Variants in SLC30A4 observed in about 807,000 individuals in gnomAD.
The protein encoded by SLC30A4 is probable proton-coupled zinc antiporter SLC30A4.
Under a neutral mutation model 41.7 loss-of-function variants are expected in SLC30A4, and 20 were observed. The observed-to-expected ratio is 0.48, with a 90% CI of 0.34 to 0.70. The LOEUF is 0.70. SLC30A4 is among the 30% of genes least tolerant of loss of function. SLC30A4 has a pLI of 0.01. For synonymous variants in SLC30A4, 181 were observed against 195.9 expected, an observed-to-expected ratio of 0.92 and a Z score of 0.64; for missense variants, 441 against 529.3, an observed-to-expected ratio of 0.83 and a Z score of 1.64.
At chr15:45,512,664 G>T (rs1478785022) in intron 2 of SLC30A4, among the ~76,000 whole-genome samples, 2 of 152,202 alleles carry the variant, frequency 1.3e-5, no homozygotes, top group Non-Finnish European at 2.9e-5. Flanking sequence ...ATCTCAGAAA[G>T]TCTGAATGAG....
At position 45,522,044 on chromosome 15, in the gene SLC30A4, ATC is replaced by A. The variant is rs1566885207; in HGVS notation, c.309_310del (p.Glu103AspfsTer34). 5.6e-6 allele frequency: 9 copies of A among 1,613,554 alleles called. No individual in the cohort carries two copies. Among genetic ancestry groups the A allele is most frequent in the South Asian group, 5.5e-5 (5 of 91,068 alleles). On this transcript the variant is annotated frameshift_variant, in exon 2 of 8. Coordinates refer to ENST00000261867, the MANE Select transcript of SLC30A4 (RefSeq NM_013309.6). LOFTEE classifies it high-confidence loss of function. ...GGCTTTCACCTTTCTCTGCTTCAGT[ATC>A]TCTCTCTGTTTGCTGCAGTTGTCAC...
At chr15:45,510,346 A>G in intron 3 of SLC30A4, among the ~76,000 whole-genome samples, 1 of 152,182 alleles carries the variant, frequency 6.6e-6, no homozygotes, top group East Asian at 1.9e-4. Flanking sequence ...AAAAATAAAA[A>G]AGATGATGAG....
At position 45,480,758 on chromosome 15, in the gene SLC30A4, G is replaced by C. The variant is rs1052635749; in HGVS notation, c.*4405C>G. 2 of 149,310 alleles carry C rather than the reference G, an allele frequency of 1.3e-5. No individual in the cohort carries two copies. The highest frequency in any genetic ancestry group is 5.1e-5 in the African/African-American group (2 of 39,122). The allele number at this position is 149,310 out of a possible 1,614,324, so 9.2% of individuals were successfully genotyped here. ...TATGCATAAAAGGAAAATAGATTTA[G>C]CTAACTGCTTGTTTCAAAATCAAAT... On this transcript the variant is annotated 3_prime_UTR_variant, in exon 8 of 8. Transcript: ENST00000261867.
In SLC30A4 at chr15:45,479,681, A is replaced by G. The variant is rs1891578136; in HGVS notation, c.*5482T>C. On this transcript the variant is annotated 3_prime_UTR_variant, in exon 8 of 8. Transcript: ENST00000261867. ...TAAAATGACATTATAATTATAAAAG[A>G]TTTTCTTTTAAGAACAATGTTTTTA... The G allele has an allele frequency of 6.6e-6, 1 of 152,062 alleles. No homozygotes were observed. The highest frequency in any genetic ancestry group is 6.6e-5 in the Admixed American group (1 of 15,258). The allele number at this position is 152,062 out of a possible 1,614,324, so 9.4% of individuals were successfully genotyped here. A position where few individuals can be genotyped will look rare whatever the true frequency, so the allele number is the denominator to read the frequency against.
At chr15:45,515,677 A>T (rs1043206795) in intron 2 of SLC30A4, 7 of 151,604 alleles carry the variant, frequency 4.6e-5, no homozygotes, top group African/African-American at 1.7e-4. Context: ...AAATAAATAA[A>T]TAATAAATAA....
chr15:45,485,561 C>T (rs1386961783), intron 7 of SLC30A4, among the ~76,000 whole-genome samples: 1 of 152,126 alleles, frequency 6.6e-6, no homozygotes, highest in Admixed American at 6.6e-5. Context: ...ACAAACCTGT[C>T]ATTAAAATAT....
At position 45,486,718 on chromosome 15, in the gene SLC30A4, T is replaced by C. The variant is rs376637512; in HGVS notation, c.1028A>G (p.Tyr343Cys). 4 of 1,574,410 alleles carry C rather than the reference T, an allele frequency of 2.5e-6. No individual in the cohort carries two copies. Among genetic ancestry groups the C allele is most frequent in the Admixed American group, 3.6e-5 (2 of 55,628 alleles). Residue 343 changes from tyrosine to cysteine, a missense_variant, in exon 7 of 8, where the codon TAT (tyrosine) becomes TGT (cysteine). Transcript: ENST00000261867. ...TATTTTCATCAAGGCTTCTTTGATA[T>C]AGTCTACATTCAAATGGCTTGGCAC... ...EGVPSHLNVDYIKEALMKIED... is the reference protein window; with the variant it reads ...EGVPSHLNVDCIKEALMKIED...
At chr15:45,517,407 G>A (rs932666008) in intron 2 of SLC30A4, among the ~76,000 whole-genome samples, 2 of 132,024 alleles carry the variant, frequency 1.5e-5, no homozygotes, top group African/African-American at 5.8e-5. Flanking sequence ...AGGCTGGAGT[G>A]CAACAGCGTG....
In SLC30A4 at chr15:45,513,169, G is replaced by A. The variant is rs1459599535; in HGVS notation, c.392-1885C>T. Among the ~76,000 whole-genome samples the A allele has an allele frequency of 7.3e-5, 11 of 150,204 alleles. 1 individual carries two copies. The Admixed American group carries it at 7.3e-4, about 10-fold the overall frequency. ...TAAATAAGAAAGAAAAAGAAAAATG[G>A]TTAGTGAAACTAAGGAATTTAATTA... On this transcript the variant is annotated intron_variant, in intron 2 of 7. Coordinates refer to ENST00000261867, the MANE Select transcript of SLC30A4 (RefSeq NM_013309.6).
intron 3 of SLC30A4, among the ~76,000 whole-genome samples, chr15:45,500,012 C>T (rs947413822): frequency 9.2e-5 from 14 of 152,180 alleles, no homozygotes; most frequent in African/African-American, 3.4e-4. Flanking sequence ...TGAACTGTTA[C>T]ATTGCAAATA....
In SLC30A4 at chr15:45,481,208, C is replaced by T. The variant is rs1891598525; in HGVS notation, c.*3955G>A. 1 of 152,062 alleles carries T rather than the reference C, an allele frequency of 6.6e-6. No homozygotes were observed. The highest frequency in any genetic ancestry group is 2.1e-4 in the South Asian group (1 of 4,830). The allele number at this position is 152,062 out of a possible 1,614,324, so 9.4% of individuals were successfully genotyped here. A position where few individuals can be genotyped will look rare whatever the true frequency, so the allele number is the denominator to read the frequency against. ...GAAAAGAAAACAGTAAAATAAGAAA[C>T]CCGGTGATGTGGCAAAAAAACACTG... On this transcript the variant is annotated 3_prime_UTR_variant, in exon 8 of 8. Coordinates refer to ENST00000261867, the MANE Select transcript of SLC30A4 (RefSeq NM_013309.6).
chr15:45,512,566 T>C (rs909146543), intron 2 of SLC30A4: 3 of 152,158 alleles, frequency 2.0e-5, no homozygotes, highest in African/African-American at 7.2e-5. Flanking sequence ...GAGTGCTCTA[T>C]ACAAATAGCA....
At chr15:45,515,058 T>C (rs1892425246) in intron 2 of SLC30A4, among the ~76,000 whole-genome samples, 1 of 151,836 alleles carries the variant, frequency 6.6e-6, no homozygotes, top group Non-Finnish European at 1.5e-5. Context: ...TTTTTTTTTT[T>C]TAATTTTTAT....
intron 2 of SLC30A4, among the ~76,000 whole-genome samples, chr15:45,520,066 T>A (rs1158708815): frequency 6.6e-6 from 1 of 152,186 alleles, no homozygotes; most frequent in Non-Finnish European, 1.5e-5. Context: ...GTCACTGTTC[T>A]AGGTGCTAGG....
intron 2 of SLC30A4, among the ~76,000 whole-genome samples, chr15:45,514,323 T>G (rs952278902): frequency 6.8e-6 from 1 of 147,760 alleles, no homozygotes; most frequent in Non-Finnish European, 1.5e-5. Context: ...ATTGCGCCAT[T>G]GTACTCCAGC....
At chr15:45,488,219 C>T (rs988695489) in intron 5 of SLC30A4, among the ~76,000 whole-genome samples, 2 of 152,140 alleles carry the variant, frequency 1.3e-5, no homozygotes, top group African/African-American at 4.8e-5. Context: ...CCACTCAGAT[C>T]TCTGGATTTT....
In SLC30A4 at chr15:45,485,331, A is replaced by G; in HGVS notation, c.1136-14T>C. The G allele has an allele frequency of 1.3e-6, 2 of 1,584,144 alleles. No homozygotes were observed. The highest frequency in any genetic ancestry group is 1.7e-6 in the Non-Finnish European group (2 of 1,157,966). ...AACTTCCAGGAACTGCAATGTCAAG[A>G]AAATATCATTACTATCCATTGTACA... On this transcript the variant is annotated splice_polypyrimidine_tract_variant and intron_variant, in intron 7 of 7. Transcript: ENST00000261867.
intron 3 of SLC30A4, among the ~76,000 whole-genome samples, chr15:45,501,225 G>A (rs933269934): frequency 1.3e-5 from 2 of 151,706 alleles, no homozygotes; most frequent in Non-Finnish European, 2.9e-5. Context: ...GGAGAATGGC[G>A]TGAACCTGGG....
intron 6 of SLC30A4, 64 bp downstream of exon 6, chr15:45,487,463 C>T (rs1369900759): frequency 6.2e-6 from 5 of 802,838 alleles, no homozygotes; most frequent in Non-Finnish European, 1.1e-5. Context: ...TCAGAATGTC[C>T]CCTGACTCCC....
Sources: allele counts gnomAD v4.1 joint callset (sites outside exome capture counted in the v4.1 genomes callset), GRCh38; gene constraint gnomAD v4.1.1; transcripts MANE v1.5; gene names NCBI Gene and HGNC (gene_info 2026-07-23, HGNC 2026-07-21).